Variants in MACO1 observed in about 807,000 individuals in gnomAD.
MACO1 encodes macoilin.
A neutral mutation model predicts 78.7 loss-of-function variants in MACO1; 14 were observed. That is an observed-to-expected ratio of 0.18 (90% CI 0.12 to 0.28). The LOEUF (loss-of-function observed/expected upper bound fraction) is 0.28. MACO1 is among the 10% of genes least tolerant of loss of function. MACO1 has a pLI of 1.00. For synonymous variants in MACO1, 288 were observed against 291.6 expected (o/e 0.99, Z 0.12); for missense variants, 501 against 799.0 (o/e 0.63, Z 4.50).
chr1:25,459,039 C>A, intron 6 of MACO1, 147 bp downstream of exon 6: 1 of 1,016,742 alleles, frequency 9.8e-7, no homozygotes, highest in South Asian at 1.7e-5. Flanking sequence ...TGTTGGCCAC[C>A]TTGTGTTATT....
At chr1:25,492,828 G>C (rs996758025) in intron 10 of MACO1, among the ~76,000 whole-genome samples, 10 of 151,616 alleles carry the variant, frequency 6.6e-5, no homozygotes, top group Admixed American at 6.6e-4. Context: ...ATAGAGTACT[G>C]CATAAAATAG....
chr1:25,491,665 C>A (rs992757079), intron 10 of MACO1, 81 bp downstream of exon 10: 4 of 1,257,406 alleles, frequency 3.2e-6, no homozygotes, highest in African/African-American at 1.5e-5. Flanking sequence ...CCTGAGAGCT[C>A]TCAACCAAGG....
At chr1:25,493,188 A>T (rs546662326) in intron 10 of MACO1, among the ~76,000 whole-genome samples, 71 of 152,334 alleles carry the variant, frequency 4.7e-4, no homozygotes, top group Middle Eastern at 3.4e-3. Flanking sequence ...GGTTTATTTC[A>T]AGTGGATTAT....
At chr1:25,454,467 TGTG>T in intron 4 of MACO1, 85 bp downstream of exon 4, 1 of 174,582 alleles carries the variant, frequency 5.7e-6, no homozygotes, top group Non-Finnish European at 8.3e-6. Flanking sequence ...TGTGTGTGTG[TGTG>T]TATATATATA....
At chr1:25,444,158 C>T (rs952698607) in intron 1 of MACO1, among the ~76,000 whole-genome samples, 1 of 149,240 alleles carries the variant, frequency 6.7e-6, no homozygotes, top group Non-Finnish European at 1.5e-5. Flanking sequence ...ACTTGGGAGG[C>T]CAAGGCAGGA....
intron 6 of MACO1, among the ~76,000 whole-genome samples, chr1:25,464,150 C>T (rs756650061): frequency 1.3e-5 from 2 of 152,002 alleles, no homozygotes; most frequent in Admixed American, 1.3e-4. Context: ...CTCTGTGCTC[C>T]GTCCATCCAT....
At chr1:25,471,928 C>T (rs1443588263) in intron 6 of MACO1, among the ~76,000 whole-genome samples, 1 of 152,134 alleles carries the variant, frequency 6.6e-6, no homozygotes. Flanking sequence ...GTAAGAATTT[C>T]TGGAAGTTAC....
chr1:25,484,997 G>A (rs35543461), intron 7 of MACO1, among the ~76,000 whole-genome samples: 132,654 of 152,152 alleles, frequency 0.87, 57,965 homozygotes, highest in South Asian at 0.92. Flanking sequence ...GAACATCCCA[G>A]TGATAAACTC....
intron 5 of MACO1, among the ~76,000 whole-genome samples, chr1:25,457,937 CT>C (rs1452581346): frequency 6.6e-6 from 1 of 152,142 alleles, no homozygotes; most frequent in Non-Finnish European, 1.5e-5. Flanking sequence ...AATTATTCCT[CT>C]TCTTTTGTTT....
Position 25,431,009 on chromosome 1 carries a change from C to T in MACO1, c.-90C>T. 1 of 965,852 alleles carries T rather than the reference C, an allele frequency of 1.0e-6. No individual in the cohort carries two copies. Among genetic ancestry groups the T allele is most frequent in the East Asian group, 5.1e-5 (1 of 19,798 alleles). The allele number at this position is 965,852 out of a possible 1,614,324, so 59.8% of individuals were successfully genotyped here. ...GTGTGACCGGCCTCAGGGGTAGAGTCCAGGCCCGACGCGGGGCGGGCCAGC... is the reference window on the plus strand; with the variant it reads ...GTGTGACCGGCCTCAGGGGTAGAGTTCAGGCCCGACGCGGGGCGGGCCAGC... On this transcript the variant is annotated 5_prime_UTR_variant, in exon 1 of 11. Coordinates refer to ENST00000374343, the MANE Select transcript of MACO1 (RefSeq NM_018202.6).
intron 1 of MACO1, among the ~76,000 whole-genome samples, chr1:25,435,493 G>C (rs940331818): frequency 2.6e-5 from 4 of 152,032 alleles, no homozygotes; most frequent in African/African-American, 9.7e-5. Flanking sequence ...GTCTACATCT[G>C]ATCTCCAGAG....
At chr1:25,489,116 C>A in intron 8 of MACO1, 57 bp from the exon 9 acceptor site, 1 of 1,565,566 alleles carries the variant, frequency 6.4e-7, no homozygotes. Context: ...TCACAGGGCC[C>A]AGCCCCAACC....
At chr1:25,455,913 T>A (rs949009194) in intron 4 of MACO1, among the ~76,000 whole-genome samples, 19 of 152,092 alleles carry the variant, frequency 1.2e-4, no homozygotes, top group Admixed American at 2.0e-4. Flanking sequence ...TTTTTTTTTT[T>A]AACACTTATG....
intron 6 of MACO1, among the ~76,000 whole-genome samples, chr1:25,475,565 A>AG (rs1476139836): frequency 0.011 from 1,615 of 148,156 alleles, 21 homozygotes; most frequent in Non-Finnish European, 0.015. Flanking sequence ...AAAAAAAAAA[A>AG]AAAAGGAAAA....
At chr1:25,441,724 C>T (rs185329950) in intron 1 of MACO1, among the ~76,000 whole-genome samples, 20 of 152,200 alleles carry the variant, frequency 1.3e-4, no homozygotes, top group Admixed American at 3.3e-4. Flanking sequence ...GGGGTTAGGG[C>T]GGCTTATTGT....
chr1:25,461,640 G>C (rs2043173511), intron 6 of MACO1, among the ~76,000 whole-genome samples: 1 of 151,922 alleles, frequency 6.6e-6, no homozygotes, highest in Non-Finnish European at 1.5e-5. Context: ...ATAAATTATG[G>C]TCCATCCATT....
intron 6 of MACO1, among the ~76,000 whole-genome samples, chr1:25,464,462 A>C (rs1401886880): frequency 6.9e-6 from 1 of 144,182 alleles, no homozygotes; most frequent in Non-Finnish European, 1.5e-5. Context: ...CTCCTGCCTC[A>C]GCCTCCTGAA....
Position 25,499,434 on chromosome 1 carries a change from G to T in MACO1, c.*968G>T, listed in dbSNP as rs866360699. ...TAACGATGGCTAATAAAAGCTGCGG[G>T]TCTAGGTTTTTTTTTTTTTGTTTTG... On this transcript the variant is annotated 3_prime_UTR_variant, in exon 11 of 11. Coordinates refer to ENST00000374343, the MANE Select transcript of MACO1 (RefSeq NM_018202.6). The T allele has an allele frequency of 6.6e-6, 1 of 151,250 alleles. No individual in the cohort carries two copies. The highest frequency in any genetic ancestry group is 2.4e-5 in the African/African-American group (1 of 41,020). 9.4% of individuals were successfully genotyped at this position (151,250 alleles called of 1,614,324 possible).
chr1:25,453,175 T>G (rs1309953039), intron 3 of MACO1, among the ~76,000 whole-genome samples: 1 of 151,020 alleles, frequency 6.6e-6, no homozygotes, highest in African/African-American at 2.4e-5. Flanking sequence ...CCGGCTAATG[T>G]TTGTATTTTT....
Sources: gnomAD v4.1 joint callset for allele counts (sites outside exome capture counted in the v4.1 genomes callset) on GRCh38, gnomAD v4.1.1 for gene constraint, MANE v1.5 for transcripts, NCBI Gene and HGNC (gene_info 2026-07-23, HGNC 2026-07-21) for gene names.